The following RAP1GAP2 variants were observed in gnomAD, a reference collection of about 807,000 sequenced individuals.
RAP1GAP2 encodes RAP1 GTPase activating protein 2.
RAP1GAP2 carries 27 observed loss-of-function variants against 95.0 expected under a neutral mutation model. The observed-to-expected ratio is 0.28, with a 90% CI of 0.21 to 0.39. The LOEUF (loss-of-function observed/expected upper bound fraction) is 0.39, where lower values mean the gene tolerates loss of function less well. RAP1GAP2 is among the 10% of genes least tolerant of loss of function. The pLI is 1.00. For missense variants in RAP1GAP2, 771 were observed against 970.0 expected (o/e 0.79, Z 2.72); for synonymous variants, 373 against 380.9 (o/e 0.98, Z 0.24).
Position 3,008,125 on chromosome 17 carries a change from G to C in RAP1GAP2, c.1474G>C (p.Gly492Arg), listed in dbSNP as rs1225716063. ...CAAGTTTGAGAATGGAGGCCACGGG[G>C]GGTTCCTGGAGTCTTTTAAGGTATG... ...EDKFENGGHG[G>R]FLESFKRAIR... is the part of the protein sequence containing the mutation. The change falls in exon 17 of 25, where the codon GGG (glycine) becomes CGG (arginine). Residue 492 changes from glycine to arginine, a missense_variant. By Grantham distance (125) the Gly-to-Arg change is moderately radical. Coordinates refer to ENST00000254695, the MANE Select transcript of RAP1GAP2 (RefSeq NM_015085.5). The surrounding 1 kb of genome is among the most constrained non-coding windows in gnomAD (Gnocchi z 4.2). The C allele has an allele frequency of 6.2e-7, 1 of 1,613,992 alleles. No individual in the cohort carries two copies. The highest frequency in any genetic ancestry group is 2.2e-5 in the East Asian group (1 of 44,880).
Position 2,853,478 on chromosome 17 carries a change from C to T in RAP1GAP2, c.81-51806C>T, listed in dbSNP as rs1161263759. Among the ~76,000 whole-genome samples, 8 of 150,614 alleles carry T rather than the reference C, an allele frequency of 5.3e-5. No individual in the cohort carries two copies. The East Asian group carries it at 1.2e-3, about 22-fold the overall frequency. On this transcript the variant is annotated intron_variant, in intron 2 of 24. Coordinates refer to ENST00000254695, the MANE Select transcript of RAP1GAP2 (RefSeq NM_015085.5). The stretch of plus-strand genomic sequence containing the variant: ...GCCTGGGGAGGGAGCTCGGGGCCGC[C>T]GGCGGGAGTGCGGGCGGGGACCAGA...
At chr17:2,868,540 T>C (rs2072713249) in intron 2 of RAP1GAP2, among the ~76,000 whole-genome samples, 1 of 141,826 alleles carries the variant, frequency 7.1e-6, no homozygotes. Flanking sequence ...TTTTTTGAGA[T>C]GGAGTCTTGC....
chr17:2,920,619 C>A (rs2042730594), intron 3 of RAP1GAP2, among the ~76,000 whole-genome samples: 1 of 152,212 alleles, frequency 6.6e-6, no homozygotes, highest in Admixed American at 6.5e-5. Flanking sequence ...ACGGAGCTCA[C>A]CCTGTAGGGT....
chr17:3,007,876 C>T lies in RAP1GAP2; in HGVS notation c.1360-135C>T, dbSNP rs1202751525. On this transcript the variant is annotated intron_variant, in intron 16 of 24. Transcript: ENST00000254695. ...TTTGTGAGCACGAAGCTCAGCTCAG[C>T]AGTAGGTCCACACCGTTGCTGGGCC... The T allele has an allele frequency of 5.7e-6, 6 of 1,044,128 alleles. No homozygotes were observed. The Admixed American group carries it at 1.1e-4, about 19-fold the overall frequency. The allele number at this position is 1,044,128 out of a possible 1,614,324, so 64.7% of individuals were successfully genotyped here. A position where few individuals can be genotyped will look rare whatever the true frequency, so the allele number is the denominator to read the frequency against.
chr17:2,880,348 C>T (rs1436733907), intron 2 of RAP1GAP2, among the ~76,000 whole-genome samples: 1 of 149,252 alleles, frequency 6.7e-6, no homozygotes, highest in South Asian at 2.1e-4. Context: ...TGGGTGGGGC[C>T]GTTGGGACAA....
chr17:2,802,479 G>T (rs2151482849), intron 2 of RAP1GAP2, among the ~76,000 whole-genome samples: 1 of 152,262 alleles, frequency 6.6e-6, no homozygotes, highest in East Asian at 1.9e-4. Context: ...GGAGGCCAAG[G>T]TGGGTGGATC....
At position 2,866,165 on chromosome 17, in the gene RAP1GAP2, G is replaced by A. The variant is rs1360976849; in HGVS notation, c.81-39119G>A. On this transcript the variant is annotated intron_variant, in intron 2 of 24. Coordinates refer to ENST00000254695, the MANE Select transcript of RAP1GAP2 (RefSeq NM_015085.5). This position sits in a 1 kb window ranked among gnomAD's most constrained non-coding sequence, Gnocchi z 4.0. ...TCGGGGACTGGACAGGATGTCTGAA[G>A]GGAGAGATGGAGTGGGAAGCACATC... Among the ~76,000 whole-genome samples the A allele has an allele frequency of 6.6e-6, 1 of 152,248 alleles. No individual in the cohort carries two copies. The highest frequency in any genetic ancestry group is 1.5e-5 in the Non-Finnish European group (1 of 68,044).
intron 3 of RAP1GAP2, among the ~76,000 whole-genome samples, chr17:2,918,973 T>A (rs1487554679): frequency 1.3e-5 from 2 of 152,200 alleles, no homozygotes; most frequent in African/African-American, 4.8e-5. Flanking sequence ...GTGCGGAGAA[T>A]AGCAATGCTT....
chr17:2,863,024 A>C (rs1230447753), intron 2 of RAP1GAP2, among the ~76,000 whole-genome samples: 1 of 148,272 alleles, frequency 6.7e-6, no homozygotes, highest in South Asian at 2.1e-4. Flanking sequence ...AAAAAAAAGT[A>C]AAGTCAGGCC....
At chr17:2,810,964 C>T (rs1445004550) in intron 2 of RAP1GAP2, among the ~76,000 whole-genome samples, 1 of 152,116 alleles carries the variant, frequency 6.6e-6, no homozygotes, top group Non-Finnish European at 1.5e-5. Context: ...TACAACTTTG[C>T]TCGAAGCTGA....
intron 2 of RAP1GAP2, among the ~76,000 whole-genome samples, chr17:2,894,944 T>C (rs1567752041): frequency 1.3e-5 from 2 of 152,160 alleles, no homozygotes; most frequent in Non-Finnish European, 2.9e-5. Flanking sequence ...CTGCAGGTCA[T>C]GGGCACCCCG....
In RAP1GAP2 at chr17:2,923,985, G is replaced by A. The variant is rs141968156; in HGVS notation, c.165+18617G>A. 4.8e-3 allele frequency among the ~76,000 whole-genome samples: 725 copies of A among 152,312 alleles called. 7 individuals carry two copies. The highest frequency in any genetic ancestry group is 0.016 in the African/African-American group (679 of 41,570). ...GAAGAAATAAACAAGTGGCTCAGAA[G>A]GAGTTGCTGAAGTTTAGAGAAATGT... is the stretch of plus-strand genomic sequence containing the variant. On this transcript the variant is annotated intron_variant, in intron 3 of 24. Transcript: ENST00000254695.
intron 2 of RAP1GAP2, among the ~76,000 whole-genome samples, chr17:2,817,736 G>C (rs1292141170): frequency 1.7e-5 from 2 of 121,000 alleles, no homozygotes; most frequent in Admixed American, 8.0e-5. Flanking sequence ...GGCTAGGCTG[G>C]TCTTGAACTC....
chr17:3,015,717 T>C (rs2046741487), intron 17 of RAP1GAP2, among the ~76,000 whole-genome samples: 1 of 152,034 alleles, frequency 6.6e-6, no homozygotes, highest in African/African-American at 2.4e-5. Flanking sequence ...CTCGGGAGGC[T>C]GAGGCAGGAG....
At chr17:2,831,975 G>T (rs1227852144) in intron 2 of RAP1GAP2, among the ~76,000 whole-genome samples, 1 of 151,960 alleles carries the variant, frequency 6.6e-6, no homozygotes, top group Non-Finnish European at 1.5e-5. Context: ...GGAGGCTGAG[G>T]CGGGCGGATC....
At chr17:2,806,053 G>T (rs1459982464) in intron 2 of RAP1GAP2, among the ~76,000 whole-genome samples, 3 of 152,228 alleles carry the variant, frequency 2.0e-5, no homozygotes, top group African/African-American at 4.8e-5. Flanking sequence ...CCTGGGTGCA[G>T]CTGTGCTCTG....
At chr17:2,860,499 T>C (rs1360049060) in intron 2 of RAP1GAP2, among the ~76,000 whole-genome samples, 1 of 151,810 alleles carries the variant, frequency 6.6e-6, no homozygotes, top group Non-Finnish European at 1.5e-5. Flanking sequence ...TCCTCTCTCC[T>C]TATGGTGGCC....
chr17:2,885,845 C>A (rs948101215), intron 2 of RAP1GAP2, among the ~76,000 whole-genome samples: 2 of 152,232 alleles, frequency 1.3e-5, no homozygotes. Context: ...AGAATATCGC[C>A]GTGTCTGTGG....
rs187365551 is a variant in RAP1GAP2, at chr17:2,978,276, G to A, written c.597-2011G>A. Reference sequence around the variant, plus strand: ...ACAGTTTCTCTTTGTCATATCCAAAGTGCCAGCCTCACTCATGGGCCTTGT... The same window carrying A: ...ACAGTTTCTCTTTGTCATATCCAAAATGCCAGCCTCACTCATGGGCCTTGT... On this transcript the variant is annotated intron_variant, in intron 8 of 24. Coordinates refer to ENST00000254695, the MANE Select transcript of RAP1GAP2 (RefSeq NM_015085.5). 1.8e-3 allele frequency among the ~76,000 whole-genome samples: 279 copies of A among 152,204 alleles called. 2 individuals are homozygous for A. Among genetic ancestry groups the A allele is most frequent in the African/African-American group, 6.2e-3 (256 of 41,526 alleles).
Sources: allele counts gnomAD v4.1 joint callset (sites outside exome capture counted in the v4.1 genomes callset), GRCh38; gene constraint gnomAD v4.1.1; non-coding constraint Gnocchi (gnomAD v3.1); transcripts MANE v1.5; gene names NCBI Gene and HGNC (gene_info 2026-07-23, HGNC 2026-07-21).